The following SDHAF4 variants were observed in gnomAD, a reference collection of about 807,000 sequenced individuals.
SDHAF4 encodes the protein succinate dehydrogenase assembly factor 4, mitochondrial.
In SDHAF4, 14 loss-of-function variants were observed where a neutral mutation model predicts 14.3. The ratio of observed to expected loss-of-function variants is 0.98; its 90% confidence interval spans 0.65 to 1.53. The LOEUF is 1.53. Among genes scored for constraint, SDHAF4 ranks in the 40% most tolerant of loss-of-function variants. SDHAF4 has a pLI of 0.00. For synonymous variants in SDHAF4, 63 were observed against 47.3 expected, an observed-to-expected ratio of 1.33 and a Z score of -1.36; for missense variants, 141 against 129.3, an observed-to-expected ratio of 1.09 and a Z score of -0.44.
rs1275688950 is a variant in SDHAF4, at chr6:70,572,684, A to G, written c.64+5680A>G. Among the ~76,000 whole-genome samples, 3 of 151,748 alleles carry G rather than the reference A, an allele frequency of 2.0e-5. No individual in the cohort carries two copies. The East Asian group carries it at 5.8e-4, about 29-fold the overall frequency. ...TAAACATGCAAATGGTGCATCTCAC[A>G]TAAACAGCATATGGCTTGTTTCCGG... On this transcript the variant is annotated intron_variant, in intron 1 of 2. Transcript: ENST00000370474.
downstream of SDHAF4, among the ~76,000 whole-genome samples, chr6:70,592,172 G>A (rs201133808): frequency 6.6e-6 from 1 of 152,210 alleles, no homozygotes; most frequent in African/African-American, 2.4e-5. Flanking sequence ...AAATTACCCA[G>A]TATCAGGTAT....
chr6:70,575,794 A>T (rs1439754334), intron 1 of SDHAF4, among the ~76,000 whole-genome samples: 3 of 151,636 alleles, frequency 2.0e-5, no homozygotes, highest in Non-Finnish European at 4.4e-5. Flanking sequence ...CTTGTCTATT[A>T]TGTCCATGTA....
downstream of SDHAF4, among the ~76,000 whole-genome samples, chr6:70,593,110 C>T (rs1022609543): frequency 3.9e-5 from 6 of 152,226 alleles, no homozygotes; most frequent in African/African-American, 9.6e-5. Flanking sequence ...CAGTGTGGCT[C>T]GACCTGCCAC....
At chr6:70,573,978 A>G (rs1802218798) in intron 1 of SDHAF4, among the ~76,000 whole-genome samples, 1 of 151,960 alleles carries the variant, frequency 6.6e-6, no homozygotes, top group Admixed American at 6.6e-5. Context: ...GCCCAGCCTA[A>G]AAAAAACTTG....
At chr6:70,598,269 C>T in the SDHAF4 span, among the ~76,000 whole-genome samples, 4 of 152,152 alleles carry the variant, frequency 2.6e-5, 1 homozygote, top group Admixed American at 2.6e-4. Flanking sequence ...ACCCCAACTA[C>T]TTGGGAGGCC....
intron 2 of SDHAF4, among the ~76,000 whole-genome samples, chr6:70,587,760 A>T (rs1765220398): frequency 6.6e-6 from 1 of 152,218 alleles, no homozygotes; most frequent in Non-Finnish European, 1.5e-5. Flanking sequence ...ATGGATTAGC[A>T]TACATAAAGT....
chr6:70,566,931 A>T lies in SDHAF4; in HGVS notation c.-10A>T. On this transcript the variant is annotated 5_prime_UTR_variant, in exon 1 of 3. Transcript: ENST00000370474. ...TTTGCGCCTGCGCGGAGGCTCGGGG[A>T]GTCGGCGCCATGACCCCATCGAGGC... is the stretch of plus-strand genomic sequence containing the variant. 1.9e-6 allele frequency: 3 copies of T among 1,575,242 alleles called. No individual in the cohort carries two copies. Among genetic ancestry groups the T allele is most frequent in the Non-Finnish European group, 2.6e-6 (3 of 1,160,332 alleles).
intron 1 of SDHAF4, among the ~76,000 whole-genome samples, chr6:70,570,695 C>T (rs1802168655): frequency 1.3e-5 from 2 of 148,764 alleles, no homozygotes; most frequent in South Asian, 4.2e-4. Flanking sequence ...GCATACTTAT[C>T]TTGTTTATGA....
chr6:70,574,081 G>C (rs1380547284), intron 1 of SDHAF4, among the ~76,000 whole-genome samples: 1 of 151,882 alleles, frequency 6.6e-6, no homozygotes, highest in Non-Finnish European at 1.5e-5. Flanking sequence ...AGCACTTTGG[G>C]AGGCCAAGGC....
At chr6:70,569,210 C>T (rs577440255) in intron 1 of SDHAF4, among the ~76,000 whole-genome samples, 7 of 151,726 alleles carry the variant, frequency 4.6e-5, no homozygotes, top group Non-Finnish European at 8.8e-5. Context: ...GTGATCCGCC[C>T]GTCTCGGCCT....
At chr6:70,576,362 A>G (rs943950475) in intron 1 of SDHAF4, among the ~76,000 whole-genome samples, 2 of 152,224 alleles carry the variant, frequency 1.3e-5, no homozygotes, top group African/African-American at 2.4e-5. Context: ...CCCTCTTTCT[A>G]CAGATAAAGT....
At position 70,588,842 on chromosome 6, in the gene SDHAF4, A is replaced by AATATATATATAAATATATATAT; in HGVS notation, c.*129_*130insAATATATATATATATATATATA. On this transcript the variant is annotated 3_prime_UTR_variant, in exon 3 of 3. Transcript: ENST00000370474. ...TCGTGTAGTTTGTATAATGTGTTTA[A>AATATATATATAAATATATATAT]ATATATATATATATGATGGCTTTGG... 1 of 339,216 alleles carries AATATATATATAAATATATATAT rather than the reference A, an allele frequency of 2.9e-6. No homozygotes were observed. The highest frequency in any genetic ancestry group is 5.5e-6 in the Non-Finnish European group (1 of 181,986). 21.0% of individuals were successfully genotyped at this position (339,216 alleles called of 1,614,324 possible).
chr6:70,567,034 C>T, intron 1 of SDHAF4, 30 bp downstream of exon 1: 1 of 1,557,144 alleles, frequency 6.4e-7, no homozygotes, highest in Non-Finnish European at 8.7e-7. Context: ...GCCACGGTCG[C>T]GGGAGGGGTC....
chr6:70,577,049 G>A (rs994739836), intron 1 of SDHAF4, among the ~76,000 whole-genome samples: 1 of 152,134 alleles, frequency 6.6e-6, no homozygotes, highest in Non-Finnish European at 1.5e-5. Flanking sequence ...TTAGCTTCTA[G>A]AGGCTGCCCA....
At chr6:70,590,485 T>G (rs553085130), downstream of SDHAF4, among the ~76,000 whole-genome samples, 6 of 152,272 alleles carry the variant, frequency 3.9e-5, no homozygotes, top group South Asian at 1.2e-3. Context: ...TGTGTGTGCT[T>G]TAGTATGTTA....
In SDHAF4 at chr6:70,572,149, A is replaced by T. The variant is rs138141806; in HGVS notation, c.64+5145A>T. On this transcript the variant is annotated intron_variant, in intron 1 of 2. Coordinates refer to ENST00000370474, the MANE Select transcript of SDHAF4 (RefSeq NM_145267.3). Reference sequence around the variant, plus strand: ...AGTGGTGCGATCTTGGCTCACTGCAACCTCCACCTCCCGGGTTCTAGTGAT... The same window carrying T: ...AGTGGTGCGATCTTGGCTCACTGCATCCTCCACCTCCCGGGTTCTAGTGAT... Among the ~76,000 whole-genome samples, 107 of 132,794 alleles carry T rather than the reference A, an allele frequency of 8.1e-4. 2 individuals carry two copies. In the East Asian group the frequency reaches 0.022, roughly 28 times the overall value. The allele number at this position is 132,794 out of a possible 152,430, so 87.1% of individuals were successfully genotyped here. A position where few individuals can be genotyped will look rare whatever the true frequency, so the allele number is the denominator to read the frequency against.
intron 1 of SDHAF4, among the ~76,000 whole-genome samples, chr6:70,568,071 C>T (rs1802127209): frequency 6.6e-6 from 1 of 152,176 alleles, no homozygotes; most frequent in South Asian, 2.1e-4. Flanking sequence ...TGCCAGATTT[C>T]TATGCAATTT....
At chr6:70,572,280 G>C (rs189370167) in intron 1 of SDHAF4, among the ~76,000 whole-genome samples, 1 of 151,566 alleles carries the variant, frequency 6.6e-6, no homozygotes, top group Non-Finnish European at 1.5e-5. Context: ...GGCCAGGCTG[G>C]AACACTTTCA....
Position 70,570,970 on chromosome 6 carries a change from C to T in SDHAF4, c.64+3966C>T, listed in dbSNP as rs955482244. Among the ~76,000 whole-genome samples the T allele has an allele frequency of 3.5e-4, 53 of 151,352 alleles. 1 individual carries two copies. The highest frequency in any genetic ancestry group is 1.3e-3 in the African/African-American group (53 of 41,146). On this transcript the variant is annotated intron_variant, in intron 1 of 2. Transcript: ENST00000370474. ...GATTTAATGATCCATAACTGTGGGT[C>T]TTCAGAGTCCAAGCCTTTGTGAAAT...
Sources: gnomAD v4.1 joint callset for allele counts (sites outside exome capture counted in the v4.1 genomes callset) on GRCh38, gnomAD v4.1.1 for gene constraint, MANE v1.5 for transcripts, NCBI Gene and HGNC (gene_info 2026-07-23, HGNC 2026-07-21) for gene names.